MAP4K4: variants seen among roughly 807,000 people sequenced by gnomAD.
MAP4K4 encodes mitogen-activated protein kinase kinase kinase kinase 4.
In MAP4K4, 38 loss-of-function variants were observed where a neutral mutation model predicts 189.6. The observed-to-expected ratio is 0.20, with a 90% CI of 0.15 to 0.26. The LOEUF (loss-of-function observed/expected upper bound fraction) is 0.26. Ranked by LOEUF, MAP4K4 falls within the 10% of genes least tolerant of loss-of-function variation. The pLI, the probability that MAP4K4 is intolerant of heterozygous loss-of-function variation, is 1.00. For missense variants in MAP4K4, 1,054 were observed against 1,726.9 expected (o/e 0.61, Z 6.91); for synonymous variants, 610 against 624.3 (o/e 0.98, Z 0.34).
intron 2 of MAP4K4, among the ~76,000 whole-genome samples, chr2:101,759,538 T>C (rs1294632954): frequency 1.1e-4 from 2 of 17,770 alleles, no homozygotes; most frequent in South Asian, 4.1e-3. Flanking sequence ...CCCTCCCCAT[T>C]CCACTCCCCT....
rs57392183 is a variant in MAP4K4 at position 101,755,929 on chromosome 2, CTTTTTTTTTTTTTTTTTT to C, written c.124-34779_124-34762del. On this transcript the variant is annotated intron_variant, in intron 2 of 32. Coordinates refer to ENST00000324219, the Ensembl canonical transcript of MAP4K4. ...TTTATTTATAGTATGAGTTCTTTTT[CTTTTTTTTTTTTTTTTTT>C]TTTTTTTTTTTGAGACAGCGTCTTG... 6.9e-5 allele frequency among the ~76,000 whole-genome samples: 4 copies of C among 57,742 alleles called. 1 individual carries two copies. Among genetic ancestry groups the C allele is most frequent in the East Asian group, 6.5e-4 (1 of 1,538 alleles). 37.9% of individuals were successfully genotyped at this position (57,742 alleles called of 152,430 possible).
intron 2 of MAP4K4, among the ~76,000 whole-genome samples, chr2:101,721,617 G>C (rs1308392408): frequency 6.6e-6 from 1 of 152,020 alleles, no homozygotes; most frequent in Non-Finnish European, 1.5e-5. Flanking sequence ...TGTATTTTTA[G>C]TAGAGACAGG....
chr2:101,711,192 A>G (rs1340130037), intron 2 of MAP4K4, among the ~76,000 whole-genome samples: 1 of 152,252 alleles, frequency 6.6e-6, no homozygotes, highest in Admixed American at 6.5e-5. Flanking sequence ...TTAGGGCTGA[A>G]AGGGACCTCT....
intron 6 of MAP4K4, among the ~76,000 whole-genome samples, chr2:101,830,962 T>G (rs1470082387): frequency 1.3e-5 from 2 of 152,224 alleles, no homozygotes; most frequent in East Asian, 1.9e-4. Context: ...TATGATCCCT[T>G]TAAGTCATCT....
At chr2:101,892,737 G>GT (rs1249774383) in exon 33 of MAP4K4, 2 of 368,298 alleles carry the variant, frequency 5.4e-6, no homozygotes, top group African/African-American at 2.1e-5. Flanking sequence ...CTTGTTCTCT[G>GT]TTTTTTTAAA....
chr2:101,785,346 A>C (rs2090099795), intron 2 of MAP4K4, among the ~76,000 whole-genome samples: 1 of 152,224 alleles, frequency 6.6e-6, no homozygotes, highest in African/African-American at 2.4e-5. Flanking sequence ...GGCACCATTT[A>C]ATAGCAAGGC....
At chr2:101,821,374 TGTTTA>T (rs1311579279) in intron 3 of MAP4K4, among the ~76,000 whole-genome samples, 1 of 152,190 alleles carries the variant, frequency 6.6e-6, no homozygotes, top group Non-Finnish European at 1.5e-5. Context: ...CATCAGAGTG[TGTTTA>T]TGTAAACCTA....
At chr2:101,781,254 T>TGGAAGGGGC (rs932530425) in intron 2 of MAP4K4, among the ~76,000 whole-genome samples, 4 of 152,158 alleles carry the variant, frequency 2.6e-5, no homozygotes, top group African/African-American at 9.7e-5. Context: ...TTACCACCCT[T>TGGAAGGGGC]GGAAGGGGCG....
At chr2:101,806,238 A>C (rs2094913542) in intron 3 of MAP4K4, among the ~76,000 whole-genome samples, 1 of 152,124 alleles carries the variant, frequency 6.6e-6, no homozygotes, top group African/African-American at 2.4e-5. Flanking sequence ...GGTTGAGGGA[A>C]TCTGTAGTTA....
intron 26 of MAP4K4, among the ~76,000 whole-genome samples, chr2:101,874,834 A>G (rs1347814568): frequency 2.0e-5 from 3 of 152,264 alleles, no homozygotes; most frequent in Non-Finnish European, 4.4e-5. Flanking sequence ...ATGGAGAAGT[A>G]GAAGATAGAG....
At chr2:101,810,290 C>G (rs1427919250) in intron 3 of MAP4K4, among the ~76,000 whole-genome samples, 1 of 150,902 alleles carries the variant, frequency 6.6e-6, no homozygotes, top group African/African-American at 2.5e-5. Flanking sequence ...CCATAGTACC[C>G]CTGTGGGTTT....
At chr2:101,782,922 C>G (rs190837380) in intron 2 of MAP4K4, among the ~76,000 whole-genome samples, 3 of 152,164 alleles carry the variant, frequency 2.0e-5, no homozygotes, top group African/African-American at 4.8e-5. Context: ...AGTGCCCAAC[C>G]AGTCAAGCTG....
At chr2:101,725,387 C>CAA (rs547130880) in intron 2 of MAP4K4, among the ~76,000 whole-genome samples, 37,196 of 109,978 alleles carry the variant, frequency 0.34, 5,211 homozygotes, top group South Asian at 0.51. Flanking sequence ...AAAAGATAAG[C>CAA]AAAAAAAAAA....
At position 101,868,773 on chromosome 2, in the gene MAP4K4, C is replaced by T. The variant is rs990444372; in HGVS notation, c.2463+736C>T. 3.9e-5 allele frequency among the ~76,000 whole-genome samples: 6 copies of T among 151,978 alleles called. No homozygotes were observed. The South Asian group carries it at 6.2e-4, about 16-fold the overall frequency. ...ATGAATGTGGCAGGTTGTGAACAGT[C>T]GGTGAAGTGAGATGTCAGTGGCATC... is the stretch of plus-strand genomic sequence containing the variant. On this transcript the variant is annotated intron_variant, in intron 21 of 32. Transcript: ENST00000324219.
intron 29 of MAP4K4, among the ~76,000 whole-genome samples, chr2:101,886,112 T>C (rs2098476901): frequency 6.6e-6 from 1 of 152,246 alleles, no homozygotes; most frequent in South Asian, 2.1e-4. Context: ...TAATATTCAC[T>C]TAAAAAATAA....
intron 13 of MAP4K4, among the ~76,000 whole-genome samples, 159 bp downstream of exon 13, chr2:101,856,297 A>G (rs1349827622): frequency 1.3e-5 from 2 of 152,230 alleles, no homozygotes; most frequent in African/African-American, 4.8e-5. Flanking sequence ...GGTGAAACAC[A>G]GTTGGAATGA....
At chr2:101,700,034 C>T (rs942692476) in intron 2 of MAP4K4, among the ~76,000 whole-genome samples, 6 of 152,148 alleles carry the variant, frequency 3.9e-5, no homozygotes, top group Admixed American at 1.3e-4. Flanking sequence ...AGTTTTTTCT[C>T]GCCAAATTAA....
At chr2:101,780,946 A>T (rs549903113) in intron 2 of MAP4K4, among the ~76,000 whole-genome samples, 1 of 152,040 alleles carries the variant, frequency 6.6e-6, no homozygotes, top group Non-Finnish European at 1.5e-5. Flanking sequence ...AAAATGGGAA[A>T]TTTTTCTTGC....
chr2:101,800,288 A>C (rs2094237207), intron 3 of MAP4K4, among the ~76,000 whole-genome samples: 1 of 152,086 alleles, frequency 6.6e-6, no homozygotes, highest in Admixed American at 6.5e-5. Context: ...TGTAGAGACC[A>C]GGTCTCCCTG....
Sources: allele counts gnomAD v4.1 joint callset (sites outside exome capture counted in the v4.1 genomes callset), GRCh38; gene constraint gnomAD v4.1.1; transcripts MANE v1.5; gene names NCBI Gene and HGNC (gene_info 2026-07-23, HGNC 2026-07-21).